ROR2: variants seen among roughly 807,000 people sequenced by gnomAD.
The protein encoded by ROR2 is ROR family WNT receptor 2.
Under a neutral mutation model 74.9 loss-of-function variants are expected in ROR2, and 33 were observed. The observed-to-expected ratio is 0.44, with a 90% CI of 0.33 to 0.59. The LOEUF (loss-of-function observed/expected upper bound fraction) is 0.59. ROR2 is among the 20% of genes least tolerant of loss of function. The probability of loss-of-function intolerance (pLI) is 0.02; values close to 1 mark genes in which losing one functional copy is unlikely to be tolerated. For synonymous variants in ROR2, 586 were observed against 558.7 expected (o/e 1.05, Z -0.69); for missense variants, 1,216 against 1,313.8 (o/e 0.93, Z 1.15).
intron 4 of ROR2, among the ~76,000 whole-genome samples, chr9:91,740,698 A>G (rs891863309): frequency 3.3e-5 from 5 of 152,058 alleles, no homozygotes; most frequent in Non-Finnish European, 7.4e-5. Flanking sequence ...TCCAACAATT[A>G]TATTTTATCT....
At chr9:91,760,633 C>CAAA (rs11405498) in intron 2 of ROR2, among the ~76,000 whole-genome samples, 2 of 80,920 alleles carry the variant, frequency 2.5e-5, no homozygotes, top group African/African-American at 8.9e-5. Flanking sequence ...GACTCTGTCT[C>CAAA]AAAAAAAAAA....
Position 91,733,481 on chromosome 9 carries a change from G to A in ROR2, c.623-45C>T, listed in dbSNP as rs780026158. 3.8e-6 allele frequency: 6 copies of A among 1,575,060 alleles called. No individual in the cohort carries two copies. Among genetic ancestry groups the A allele is most frequent in the East Asian group, 2.3e-5 (1 of 43,292 alleles). On this transcript the variant is annotated intron_variant, in intron 5 of 8. Transcript: ENST00000375708. The surrounding 1 kb of genome is among the most constrained non-coding windows in gnomAD (Gnocchi z 5.7). ...CGCGTTAGCGGGGGACCCACCTTGC[G>A]CCCTTGACATTCATCCAGTCCCCAC...
At chr9:91,768,116 T>G (rs1216903528) in intron 2 of ROR2, among the ~76,000 whole-genome samples, 1 of 152,058 alleles carries the variant, frequency 6.6e-6, no homozygotes, top group African/African-American at 2.4e-5. Context: ...TTGCCAGCAA[T>G]GCCTGGAGCT....
chr9:91,830,391 G>C (rs1208491088), intron 1 of ROR2, among the ~76,000 whole-genome samples: 1 of 152,194 alleles, frequency 6.6e-6, no homozygotes, highest in Non-Finnish European at 1.5e-5. Flanking sequence ...AGGATCACTT[G>C]AGTCCAGGAG....
intron 1 of ROR2, among the ~76,000 whole-genome samples, chr9:91,813,016 G>T (rs569128860): frequency 3.9e-5 from 6 of 152,044 alleles, no homozygotes; most frequent in African/African-American, 1.2e-4. Context: ...ACTAGGAGAG[G>T]CTAACCAAAT....
At chr9:91,946,151 G>A (rs920319071) in intron 1 of ROR2, among the ~76,000 whole-genome samples, 2 of 152,188 alleles carry the variant, frequency 1.3e-5, no homozygotes, top group Non-Finnish European at 2.9e-5. Flanking sequence ...AATTGCTATT[G>A]GCCATGCAGC....
intron 1 of ROR2, among the ~76,000 whole-genome samples, chr9:91,893,297 G>A (rs533259887): frequency 6.7e-4 from 102 of 152,250 alleles, no homozygotes; most frequent in Non-Finnish European, 1.3e-3. Flanking sequence ...AAAATTAGCT[G>A]GGTGTGGTGG....
intron 1 of ROR2, among the ~76,000 whole-genome samples, chr9:91,880,941 A>C (rs1240984877): frequency 6.6e-6 from 1 of 152,202 alleles, no homozygotes; most frequent in Non-Finnish European, 1.5e-5. Context: ...GTGGTCATGC[A>C]TCTGTTCTAA....
intron 1 of ROR2, chr9:91,948,714 T>C (rs902602397): frequency 2.3e-5 from 23 of 985,510 alleles, no homozygotes; most frequent in Non-Finnish European, 2.8e-5. Flanking sequence ...GATTCTCACC[T>C]TCCTGCAGGA....
chr9:91,724,998 TC>T lies in ROR2; in HGVS notation c.1495del (p.Glu499SerfsTer11). ...TTTGATGGCCACAGCCTGGGTCTGCTCCCCCGGGGCAGGGCCGAACAGGTGA... is the reference window on the plus strand; with the variant it reads ...TTTGATGGCCACAGCCTGGGTCTGCTCCCCGGGGCAGGGCCGAACAGGTGA... ...KGHLFGPAPG[E>X]QTQAVAIKTL... On this transcript the variant is annotated frameshift_variant, in exon 9 of 9. Transcript: ENST00000375708. LOFTEE classifies it high-confidence loss of function. 1 of 1,613,564 alleles carries T rather than the reference TC, an allele frequency of 6.2e-7. No individual in the cohort carries two copies. Among genetic ancestry groups the T allele is most frequent in the Non-Finnish European group, 8.5e-7 (1 of 1,179,998 alleles).
At chr9:91,861,649 T>C (rs1001493739) in intron 1 of ROR2, among the ~76,000 whole-genome samples, 13 of 152,238 alleles carry the variant, frequency 8.5e-5, no homozygotes, top group African/African-American at 2.4e-4. Context: ...ACTATAAAAC[T>C]GTTAAAAGAA....
chr9:91,728,807 T>C (rs968657534), intron 7 of ROR2, among the ~76,000 whole-genome samples: 8 of 152,218 alleles, frequency 5.3e-5, no homozygotes, highest in African/African-American at 1.9e-4. Flanking sequence ...ATAAAATCTC[T>C]TGGACAGCAG....
chr9:91,839,251 G>GGTGTGTGTGTGT (rs56134220), intron 1 of ROR2, among the ~76,000 whole-genome samples: 5 of 107,802 alleles, frequency 4.6e-5, no homozygotes, highest in East Asian at 3.2e-4. Context: ...TCAGATCGGG[G>GGTGTGTGTGTGT]GTGTGTGTGT....
At chr9:91,888,455 C>T (rs1830344461) in intron 1 of ROR2, among the ~76,000 whole-genome samples, 1 of 152,114 alleles carries the variant, frequency 6.6e-6, no homozygotes, top group Non-Finnish European at 1.5e-5. Context: ...TGATACCCTC[C>T]TGCAAGACTC....
intron 1 of ROR2, among the ~76,000 whole-genome samples, chr9:91,823,338 C>T (rs2119154865): frequency 6.9e-6 from 1 of 145,248 alleles, no homozygotes; most frequent in East Asian, 2.0e-4. Context: ...TTCAGCAACA[C>T]TTTTTTTTTT....
At chr9:91,778,783 C>A (rs1287863240) in intron 1 of ROR2, among the ~76,000 whole-genome samples, 1 of 152,120 alleles carries the variant, frequency 6.6e-6, no homozygotes, top group African/African-American at 2.4e-5. Context: ...GGACCTGGGT[C>A]ATTTTCACTG....
At chr9:91,841,889 C>T (rs901765327) in intron 1 of ROR2, among the ~76,000 whole-genome samples, 2 of 152,218 alleles carry the variant, frequency 1.3e-5, no homozygotes, top group Non-Finnish European at 2.9e-5. Flanking sequence ...GTGCATGGCC[C>T]TGGCAGCCAC....
intron 1 of ROR2, among the ~76,000 whole-genome samples, chr9:91,908,870 C>T (rs1409830126): frequency 6.6e-6 from 1 of 151,656 alleles, no homozygotes; most frequent in East Asian, 1.9e-4. Flanking sequence ...TTATGAAAAC[C>T]CATAAAACTG....
At chr9:91,782,303 A>G (rs1054062479) in intron 1 of ROR2, among the ~76,000 whole-genome samples, 1 of 152,196 alleles carries the variant, frequency 6.6e-6, no homozygotes, top group African/African-American at 2.4e-5. Flanking sequence ...TCAAGGAAGT[A>G]GCTCTTGAAT....
Sources: allele counts gnomAD v4.1 joint callset (sites outside exome capture counted in the v4.1 genomes callset), GRCh38; gene constraint gnomAD v4.1.1; non-coding constraint Gnocchi (gnomAD v3.1); transcripts MANE v1.5; gene names NCBI Gene and HGNC (gene_info 2026-07-23, HGNC 2026-07-21).